The following DAZL variants were observed in gnomAD, a reference collection of about 807,000 sequenced individuals.
The protein encoded by DAZL is deleted in azoospermia-like.
Under a neutral mutation model 45.0 loss-of-function variants are expected in DAZL, and 4 were observed. The observed-to-expected ratio is 0.09, with a 90% CI of 0.04 to 0.20. The LOEUF is 0.20. Ranked by LOEUF, DAZL falls within the 10% of genes least tolerant of loss-of-function variation. The probability of loss-of-function intolerance (pLI) is 1.00; values close to 1 mark genes in which losing one functional copy is unlikely to be tolerated. For synonymous variants in DAZL, 122 were observed against 112.4 expected (o/e 1.09, Z -0.54); for missense variants, 326 against 351.3 (o/e 0.93, Z 0.58).
Position 16,588,278 on chromosome 3 carries a change from GT to G in DAZL, c.*381del, listed in dbSNP as rs1489316843. 2 of 286,338 alleles carry G rather than the reference GT, an allele frequency of 7.0e-6. No homozygotes were observed. Among genetic ancestry groups the G allele is most frequent in the African/African-American group, 4.4e-5 (2 of 45,528 alleles). The allele number at this position is 286,338 out of a possible 1,614,324, so 17.7% of individuals were successfully genotyped here. ...AATACTGTACTGTTCACAGGTACTT[GT>G]TGGAGAAGTGAAATGTTTGTATTCA... On this transcript the variant is annotated 3_prime_UTR_variant, in exon 11 of 11. Coordinates refer to ENST00000399444, the MANE Select transcript of DAZL (RefSeq NM_001351.4).
intron 10 of DAZL, among the ~76,000 whole-genome samples, chr3:16,591,534 ATCC>A (rs1355605458): frequency 1.3e-5 from 2 of 151,836 alleles, no homozygotes; most frequent in East Asian, 1.9e-4. Flanking sequence ...GGCTCAAGCA[ATCC>A]TCCTACCTCA....
At chr3:16,602,216 A>G (rs1489463488) in intron 1 of DAZL, among the ~76,000 whole-genome samples, 1 of 152,196 alleles carries the variant, frequency 6.6e-6, no homozygotes, top group Non-Finnish European at 1.5e-5. Context: ...GACCTGAGAA[A>G]TGGGTTATGA....
At chr3:16,596,506 A>C (rs894592604) in intron 6 of DAZL, among the ~76,000 whole-genome samples, 5 of 152,120 alleles carry the variant, frequency 3.3e-5, no homozygotes, top group African/African-American at 9.6e-5. Context: ...AAAAAGGAAG[A>C]GATTTCTTCA....
At chr3:16,604,743 G>T in intron 1 of DAZL, 16 of 1,364,878 alleles carry the variant, frequency 1.2e-5, no homozygotes, top group Non-Finnish European at 1.3e-5. Context: ...GGAGCCACGG[G>T]GAGAGCGCGC....
chr3:16,602,435 C>A (rs1694705270), intron 1 of DAZL, among the ~76,000 whole-genome samples: 1 of 152,020 alleles, frequency 6.6e-6, no homozygotes, highest in Admixed American at 6.5e-5. Context: ...GAGAGAGGTG[C>A]ACATACACAT....
Position 16,605,281 on chromosome 3 carries a change from G to A in DAZL, c.-76C>T. The A allele has an allele frequency of 6.3e-6, 10 of 1,578,642 alleles. No homozygotes were observed. The highest frequency in any genetic ancestry group is 7.8e-6 in the Non-Finnish European group (9 of 1,147,714). On this transcript the variant is annotated 5_prime_UTR_variant, in exon 1 of 11. Coordinates refer to ENST00000399444, the MANE Select transcript of DAZL (RefSeq NM_001351.4). Reference sequence around the variant, plus strand: ...TGCTTGGCGCACCACTTCTGGGGCTGCTGTGAGGTCCGCTGGAACCCGCTG... The same window carrying A: ...TGCTTGGCGCACCACTTCTGGGGCTACTGTGAGGTCCGCTGGAACCCGCTG...
At chr3:16,595,199 A>T in intron 7 of DAZL, 115 bp downstream of exon 7, 1 of 586,826 alleles carries the variant, frequency 1.7e-6, no homozygotes, top group Non-Finnish European at 2.9e-6. Flanking sequence ...TTTTTCTTAA[A>T]TTTTAGGTAC....
At chr3:16,604,494 A>T in intron 1 of DAZL, 2 of 1,520,272 alleles carry the variant, frequency 1.3e-6, no homozygotes, top group Non-Finnish European at 1.8e-6. Context: ...CACACGAGGG[A>T]GCCGCCATCA....
chr3:16,604,544 G>A, intron 1 of DAZL: 5 of 1,458,714 alleles, frequency 3.4e-6, no homozygotes, highest in South Asian at 1.4e-5. Context: ...GGGACCAGAG[G>A]CACTTCCGGC....
In DAZL at chr3:16,592,154, A is replaced by G. The variant is rs1452292761; in HGVS notation, c.736-6T>C. 14 of 1,612,398 alleles carry G rather than the reference A, an allele frequency of 8.7e-6. No homozygotes were observed. Among genetic ancestry groups the G allele is most frequent in the Non-Finnish European group, 1.2e-5 (14 of 1,179,402 alleles). On this transcript the variant is annotated splice_polypyrimidine_tract_variant and splice_region_variant and intron_variant, in intron 9 of 10. Transcript: ENST00000399444. Reference sequence around the variant, plus strand: ...ATGCTTCGGTCCACAGATTTCTGAAACACAGAAGTTTTCAGTAATGTAAAG... The same window carrying G: ...ATGCTTCGGTCCACAGATTTCTGAAGCACAGAAGTTTTCAGTAATGTAAAG...
At chr3:16,604,741 G>C (rs991802341) in intron 1 of DAZL, 5 of 1,363,562 alleles carry the variant, frequency 3.7e-6, no homozygotes, top group Non-Finnish European at 3.8e-6. Context: ...GCGGAGCCAC[G>C]GGGAGAGCGC....
chr3:16,596,715 T>C (rs373836231), intron 6 of DAZL, 35 bp downstream of exon 6: 85 of 1,610,122 alleles, frequency 5.3e-5, no homozygotes, highest in Middle Eastern at 3.5e-4. Flanking sequence ...ATGACTACAA[T>C]AAACAAGAGA....
chr3:16,604,340 A>G (rs1694740126), intron 1 of DAZL: 2 of 1,113,192 alleles, frequency 1.8e-6, no homozygotes, highest in South Asian at 1.4e-5. Context: ...TATCTACCAA[A>G]TGGACATTTT....
At chr3:16,593,080 TAAGTA>T (rs1295780543) in intron 9 of DAZL, among the ~76,000 whole-genome samples, 2 of 152,204 alleles carry the variant, frequency 1.3e-5, no homozygotes, top group Non-Finnish European at 2.9e-5. Context: ...TTTCACTGTT[TAAGTA>T]AATATCAAAA....
chr3:16,605,288 G>A lies in DAZL; in HGVS notation c.-83C>T, dbSNP rs758319936. ...CGCACCACTTCTGGGGCTGCTGTGA[G>A]GTCCGCTGGAACCCGCTGCGCGGCT... is the stretch of plus-strand genomic sequence containing the variant. On this transcript the variant is annotated 5_prime_UTR_variant, in exon 1 of 11. Transcript: ENST00000399444. 1 of 1,560,458 alleles carries A rather than the reference G, an allele frequency of 6.4e-7. No individual in the cohort carries two copies. Among genetic ancestry groups the A allele is most frequent in the Non-Finnish European group, 8.8e-7 (1 of 1,131,230 alleles).
At position 16,605,359 on chromosome 3, in the gene DAZL, G is replaced by C. The variant is rs1694763444; in HGVS notation, c.-154C>G. On this transcript the variant is annotated 5_prime_UTR_variant, in exon 1 of 11. Coordinates refer to ENST00000399444, the MANE Select transcript of DAZL (RefSeq NM_001351.4). ...AAGATGAAGAGAAAAGGAAAACCAAGAGCGGGTGACAAGGCTGAGGAGCCC... is the reference window on the plus strand; with the variant it reads ...AAGATGAAGAGAAAAGGAAAACCAACAGCGGGTGACAAGGCTGAGGAGCCC... 4 of 943,152 alleles carry C rather than the reference G, an allele frequency of 4.2e-6. No homozygotes were observed. In the East Asian group the frequency reaches 7.5e-5, roughly 18 times the overall value. 58.4% of individuals were successfully genotyped at this position (943,152 alleles called of 1,614,324 possible).
intron 9 of DAZL, among the ~76,000 whole-genome samples, chr3:16,593,122 C>T (rs923400960): frequency 6.3e-4 from 96 of 152,256 alleles, no homozygotes; most frequent in African/African-American, 2.2e-3. Flanking sequence ...ACATGTAATT[C>T]GTACCAATTC....
Position 16,596,844 on chromosome 3 carries a change from G to A in DAZL, c.404C>T (p.Pro135Leu), listed in dbSNP as rs756788206. ...CCAGACATTCTGAAACTGTGGTGGA[G>A]GAGGATGATTAAAAACCAAAGGACG... ...QPRPLVFNHP[P>L]PPQFQNVWTN... Residue 135 changes from proline (P) to leucine (L), a missense_variant, in exon 6 of 11, where the codon CCT (proline) becomes CTT (leucine). Pro to Leu is a moderately conservative substitution (Grantham distance 98, BLOSUM62 -3). Coordinates refer to ENST00000399444, the MANE Select transcript of DAZL (RefSeq NM_001351.4). 1.2e-6 allele frequency: 2 copies of A among 1,613,872 alleles called. No individual in the cohort carries two copies. The highest frequency in any genetic ancestry group is 8.5e-7 in the Non-Finnish European group (1 of 1,179,782).
intron 1 of DAZL, among the ~76,000 whole-genome samples, 157 bp from the exon 2 acceptor site, chr3:16,598,755 T>C (rs1348660801): frequency 6.6e-6 from 1 of 151,930 alleles, no homozygotes; most frequent in African/African-American, 2.4e-5. Flanking sequence ...TCAGAGTAGA[T>C]CAGCATGAAA....
Sources: gnomAD v4.1 joint callset for allele counts (sites outside exome capture counted in the v4.1 genomes callset) on GRCh38, gnomAD v4.1.1 for gene constraint, MANE v1.5 for transcripts, NCBI Gene and HGNC (gene_info 2026-07-23, HGNC 2026-07-21) for gene names.